The following QTMAN variants were observed in gnomAD, a reference collection of about 807,000 sequenced individuals.
QTMAN encodes the protein queuosine-tRNA mannosyltransferase.
chr2:144,261,959 C>T, the QTMAN span, among the ~76,000 whole-genome samples: 1 of 151,926 alleles, frequency 6.6e-6, no homozygotes, highest in Non-Finnish European at 1.5e-5. Flanking sequence ...CAAGCATATC[C>T]AATTTTCTCT....
chr2:144,030,268 T>G, the QTMAN span, among the ~76,000 whole-genome samples: 1 of 152,148 alleles, frequency 6.6e-6, no homozygotes, highest in African/African-American at 2.4e-5. Flanking sequence ...TGGGACAAAT[T>G]CTCCATATTA....
the QTMAN span, among the ~76,000 whole-genome samples, chr2:144,228,776 T>C: frequency 6.6e-6 from 1 of 152,116 alleles, no homozygotes; most frequent in Non-Finnish European, 1.5e-5. Flanking sequence ...CTGATCAACA[T>C]GGAGAAACCC....
chr2:144,122,261 A>G, the QTMAN span, among the ~76,000 whole-genome samples: 3 of 152,226 alleles, frequency 2.0e-5, no homozygotes, highest in Non-Finnish European at 4.4e-5. Flanking sequence ...ACTTCTATGC[A>G]ATTTATAATT....
the QTMAN span, among the ~76,000 whole-genome samples, chr2:144,327,575 G>A: frequency 6.6e-6 from 1 of 152,102 alleles, no homozygotes; most frequent in Non-Finnish European, 1.5e-5. Flanking sequence ...ATGAATCCAG[G>A]GTGTCCTAGA....
chr2:144,308,820 A>G, the QTMAN span, among the ~76,000 whole-genome samples: 9 of 152,204 alleles, frequency 5.9e-5, no homozygotes, highest in South Asian at 8.3e-4. Context: ...CAGACCACCA[A>G]AGAAAATGTT....
At chr2:143,967,729 G>A in the QTMAN span, among the ~76,000 whole-genome samples, 1 of 152,196 alleles carries the variant, frequency 6.6e-6, no homozygotes. Context: ...GATTACGAAT[G>A]CTGAATGGTG....
chr2:144,262,544 T>A, the QTMAN span, among the ~76,000 whole-genome samples: 13 of 111,956 alleles, frequency 1.2e-4, no homozygotes, highest in Admixed American at 1.1e-3. Flanking sequence ...CACTCCAGCC[T>A]GGGTGACAGA....
At chr2:144,316,064 G>A in the QTMAN span, among the ~76,000 whole-genome samples, 190 of 152,230 alleles carry the variant, frequency 1.2e-3, 1 homozygote, top group African/African-American at 4.5e-3. Context: ...GCAACATGGC[G>A]AGACCTAATC....
At chr2:143,957,693 G>A in the QTMAN span, among the ~76,000 whole-genome samples, 1 of 151,974 alleles carries the variant, frequency 6.6e-6, no homozygotes. Context: ...AAAGAAATGA[G>A]GCAACAAACA....
At chr2:144,064,213 GAAT>G in the QTMAN span, among the ~76,000 whole-genome samples, 2 of 152,114 alleles carry the variant, frequency 1.3e-5, no homozygotes, top group Non-Finnish European at 2.9e-5. Context: ...ATAGAAGAAA[GAAT>G]AAAAGCAGTA....
chr2:144,288,227 T>C, the QTMAN span, among the ~76,000 whole-genome samples: 1 of 151,956 alleles, frequency 6.6e-6, no homozygotes, highest in East Asian at 1.9e-4. Flanking sequence ...ATACATCAAC[T>C]TCAGATTAAA....
At chr2:144,208,757 A>C in the QTMAN span, 2 of 1,613,464 alleles carry the variant, frequency 1.2e-6, no homozygotes, top group Non-Finnish European at 1.7e-6. Flanking sequence ...CCTCCATAGA[A>C]TGCTTCAATG....
chr2:143,984,778 G>A, the QTMAN span, among the ~76,000 whole-genome samples: 1 of 152,162 alleles, frequency 6.6e-6, no homozygotes, highest in African/African-American at 2.4e-5. Context: ...GGTCAGAGAG[G>A]AGTTTGGCTG....
the QTMAN span, among the ~76,000 whole-genome samples, chr2:144,243,633 GTAT>G: frequency 7.9e-5 from 12 of 152,210 alleles, no homozygotes; most frequent in East Asian, 2.3e-3. Flanking sequence ...ATCCCTTATG[GTAT>G]CTAGACCATA....
chr2:144,257,096 A>T, the QTMAN span, among the ~76,000 whole-genome samples: 2 of 151,562 alleles, frequency 1.3e-5, no homozygotes, highest in Non-Finnish European at 2.9e-5. Context: ...TGAAAAAAAA[A>T]AAAAACCAGA....
chr2:143,957,245 C>T, the QTMAN span: 2 of 1,612,232 alleles, frequency 1.2e-6, no homozygotes, highest in Non-Finnish European at 1.7e-6. Flanking sequence ...CAACATCAGC[C>T]ATGCACAGTA....
the QTMAN span, among the ~76,000 whole-genome samples, chr2:144,167,623 C>T: frequency 6.6e-6 from 1 of 152,040 alleles, no homozygotes; most frequent in Non-Finnish European, 1.5e-5. Context: ...TCTGCTTGCA[C>T]TTACTCCTTC....
chr2:144,095,971 A>C, the QTMAN span, among the ~76,000 whole-genome samples: 4 of 152,286 alleles, frequency 2.6e-5, no homozygotes, highest in South Asian at 6.2e-4. Flanking sequence ...AAGCAGTCTG[A>C]AATACATAAA....
chr2:144,209,942 T>C, the QTMAN span, among the ~76,000 whole-genome samples: 2 of 152,060 alleles, frequency 1.3e-5, no homozygotes, highest in Non-Finnish European at 2.9e-5. Context: ...CTACACTTTG[T>C]TCAAAGTAAT....
Sources: gnomAD v4.1 joint callset for allele counts (sites outside exome capture counted in the v4.1 genomes callset) on GRCh38, gnomAD v4.1.1 for gene constraint, MANE v1.5 for transcripts, NCBI Gene and HGNC (gene_info 2026-07-23, HGNC 2026-07-21) for gene names.